The following NHSL1 variants were observed in gnomAD, a reference collection of about 807,000 sequenced individuals.
NHSL1 encodes NHS-like protein 1.
Under a neutral mutation model 95.0 loss-of-function variants are expected in NHSL1, and 48 were observed. That is an observed-to-expected ratio of 0.51 (90% CI 0.40 to 0.64). The LOEUF (loss-of-function observed/expected upper bound fraction) is 0.64, where lower values mean the gene tolerates loss of function less well. Ranked by LOEUF, NHSL1 falls within the 30% of genes least tolerant of loss-of-function variation. NHSL1 has a pLI of 0.00. For synonymous variants in NHSL1, 783 were observed against 833.9 expected (o/e 0.94, Z 1.05); for missense variants, 1,971 against 2,077.7 (o/e 0.95, Z 1.00).
chr6:138,482,393 C>T (rs1779472535), intron 2 of NHSL1, among the ~76,000 whole-genome samples: 1 of 144,146 alleles, frequency 6.9e-6, no homozygotes, highest in South Asian at 2.2e-4. Context: ...TTGCAGTGAG[C>T]TGAGATGGCA....
intron 4 of NHSL1, among the ~76,000 whole-genome samples, chr6:138,445,946 C>T (rs1776835605): frequency 6.6e-6 from 1 of 152,134 alleles, no homozygotes; most frequent in South Asian, 2.1e-4. Context: ...TAACTCTTCA[C>T]ATGTCTATTT....
chr6:138,517,960 G>T (rs11965576), intron 1 of NHSL1, among the ~76,000 whole-genome samples: 2,563 of 152,290 alleles, frequency 0.017, 77 homozygotes, highest in African/African-American at 0.059. Context: ...TACTGTAGCT[G>T]CAAGGGAGTC....
At chr6:138,606,702 C>CTTT (rs777156294) in intron 1 of NHSL1, among the ~76,000 whole-genome samples, 2,234 of 123,348 alleles carry the variant, frequency 0.018, 52 homozygotes, top group Non-Finnish European at 0.027. Context: ...TTCTTTCTTT[C>CTTT]TTTTTTTTTT....
chr6:138,582,880 A>C (rs1784082396), intron 1 of NHSL1, among the ~76,000 whole-genome samples: 1 of 152,080 alleles, frequency 6.6e-6, no homozygotes, highest in Non-Finnish European at 1.5e-5. Flanking sequence ...AAATAAGCAA[A>C]TGTTTATTGG....
At chr6:138,656,950 T>C (rs779224538) in intron 1 of NHSL1, among the ~76,000 whole-genome samples, 2 of 152,206 alleles carry the variant, frequency 1.3e-5, no homozygotes, top group African/African-American at 2.4e-5. Context: ...CTTTGGTTTC[T>C]CCCTTCTCAT....
At chr6:138,533,600 A>C (rs1782224285) in intron 1 of NHSL1, among the ~76,000 whole-genome samples, 1 of 152,244 alleles carries the variant, frequency 6.6e-6, no homozygotes, top group African/African-American at 2.4e-5. Context: ...ATGATTTACT[A>C]AGAGAAATAA....
intron 1 of NHSL1, chr6:138,650,574 C>A (rs1363368276): frequency 5.1e-6 from 3 of 590,398 alleles, no homozygotes; most frequent in African/African-American, 1.9e-5. Context: ...AGGGATTAAT[C>A]CAACAAATTC....
At chr6:138,649,552 C>T (rs1042449129) in intron 1 of NHSL1, among the ~76,000 whole-genome samples, 1 of 151,960 alleles carries the variant, frequency 6.6e-6, no homozygotes, top group Non-Finnish European at 1.5e-5. Flanking sequence ...TCTGCCCAAC[C>T]TCTGGGTATT....
intron 2 of NHSL1, among the ~76,000 whole-genome samples, chr6:138,478,273 G>A (rs765799009): frequency 2.1e-4 from 32 of 151,910 alleles, no homozygotes; most frequent in Non-Finnish European, 3.2e-4. Flanking sequence ...GAACCACCGC[G>A]CTGGCCATAA....
rs78615497 is a variant in NHSL1, at chr6:138,424,158, G to A, written c.4744C>T (p.Pro1582Ser). The change falls in exon 8 of 8, where the codon CCT becomes TCT. Residue 1582 changes from proline (P) to serine (S), a missense_variant. Coordinates refer to ENST00000343505, the MANE Select transcript of NHSL1 (RefSeq NM_001144060.2). This position sits in a 1 kb window ranked among gnomAD's most constrained non-coding sequence, Gnocchi z 5.9. ...TCTGCACTGGCTGTCCCATCCACAG[G>A]GCCGGGGGCCTGGGGCTGCAGGGAG... Reference protein sequence around the residue: ...AASLQPQAPGPVDGTASAEGR... With the variant: ...AASLQPQAPGSVDGTASAEGR... The A allele has an allele frequency of 3.4e-6, 5 of 1,451,430 alleles. No individual in the cohort carries two copies. The South Asian group carries it at 7.2e-5, about 21-fold the overall frequency. The allele number at this position is 1,451,430 out of a possible 1,614,324, so 89.9% of individuals were successfully genotyped here. A position where few individuals can be genotyped will look rare whatever the true frequency, so the allele number is the denominator to read the frequency against.
chr6:138,455,576 G>GCAAGAAGCCCCGCCTTCGCATGCTCCCT (rs1777557215), intron 3 of NHSL1, among the ~76,000 whole-genome samples: 1 of 151,546 alleles, frequency 6.6e-6, no homozygotes, highest in African/African-American at 2.4e-5. Context: ...CATGCTTCCT[G>GCAAGAAGCCCCGCCTTCGCATGCTCCCT]GTGCTTTCGA....
At chr6:138,498,479 T>A (rs538854123) in intron 1 of NHSL1, among the ~76,000 whole-genome samples, 1 of 152,312 alleles carries the variant, frequency 6.6e-6, no homozygotes, top group South Asian at 2.1e-4. Flanking sequence ...AAGCTCCTCT[T>A]ACCAATGCCC....
At chr6:138,580,936 G>C (rs987496173) in intron 1 of NHSL1, among the ~76,000 whole-genome samples, 1 of 152,212 alleles carries the variant, frequency 6.6e-6, no homozygotes, top group Non-Finnish European at 1.5e-5. Flanking sequence ...GAAGCAGGGG[G>C]AGGTTTCAGC....
intron 3 of NHSL1, among the ~76,000 whole-genome samples, chr6:138,453,320 A>G (rs1400605887): frequency 6.6e-6 from 1 of 151,010 alleles, no homozygotes; most frequent in Non-Finnish European, 1.5e-5. Context: ...CTTTACCTCA[A>G]ATCTAATTGC....
chr6:138,424,195 C>A lies in NHSL1; in HGVS notation c.4707G>T (p.Glu1569Asp), dbSNP rs1354751584. Reference sequence around the variant, plus strand: ...GGGGCTGCAGGGAGGCGGCAGGCCCCTCCCCACAGAGCAGGCCGCCCTCGT... The same window carrying A: ...GGGGCTGCAGGGAGGCGGCAGGCCCATCCCCACAGAGCAGGCCGCCCTCGT... ...EMDEGGLLCG[E>D]GPAASLQPQA... Residue 1569 changes from glutamate to aspartate, a missense_variant, in exon 8 of 8, where the codon GAG becomes GAT. This residue lies in a region of NHSL1 where 223 missense variants were observed against 217.0 expected (regional missense o/e 1.03). Coordinates refer to ENST00000343505, the MANE Select transcript of NHSL1 (RefSeq NM_001144060.2). The surrounding 1 kb of genome is among the most constrained non-coding windows in gnomAD (Gnocchi z 5.9). The A allele has an allele frequency of 1.3e-6, 2 of 1,485,678 alleles. No individual in the cohort carries two copies. Among genetic ancestry groups the A allele is most frequent in the East Asian group, 5.0e-5 (2 of 40,380 alleles). 92.0% of individuals were successfully genotyped at this position (1,485,678 alleles called of 1,614,324 possible).
chr6:138,594,374 G>T (rs527996503), intron 1 of NHSL1, among the ~76,000 whole-genome samples: 1 of 152,270 alleles, frequency 6.6e-6, no homozygotes, highest in African/African-American at 2.4e-5. Context: ...CAATAGGACT[G>T]CCAATTTCGC....
chr6:138,466,597 A>C (rs1449610373), intron 3 of NHSL1, among the ~76,000 whole-genome samples: 1 of 152,226 alleles, frequency 6.6e-6, no homozygotes, highest in Non-Finnish European at 1.5e-5. Flanking sequence ...CATGTGCAGC[A>C]TAATGACATT....
At chr6:138,633,715 G>C (rs773327578) in intron 1 of NHSL1, among the ~76,000 whole-genome samples, 1 of 152,188 alleles carries the variant, frequency 6.6e-6, no homozygotes, top group Non-Finnish European at 1.5e-5. Context: ...GGAAGTTAAT[G>C]AGCAATAAGA....
chr6:138,600,862 T>C (rs370266506), intron 1 of NHSL1, among the ~76,000 whole-genome samples: 1 of 152,218 alleles, frequency 6.6e-6, no homozygotes, highest in East Asian at 1.9e-4. Context: ...CCCACAAAAA[T>C]GGCCACTTCA....
Sources: allele counts gnomAD v4.1 joint callset (sites outside exome capture counted in the v4.1 genomes callset), GRCh38; gene constraint gnomAD v4.1.1; regional missense constraint gnomAD v4.1.1; non-coding constraint Gnocchi (gnomAD v3.1); transcripts MANE v1.5; gene names NCBI Gene and HGNC (gene_info 2026-07-23, HGNC 2026-07-21).